RASGRF2: variants seen among roughly 807,000 people sequenced by gnomAD.
RASGRF2 encodes the protein ras-specific guanine nucleotide-releasing factor 2.
In RASGRF2, 76 loss-of-function variants were observed where a neutral mutation model predicts 151.0. The ratio of observed to expected loss-of-function variants is 0.50; its 90% CI spans 0.42 to 0.61. The LOEUF (loss-of-function observed/expected upper bound fraction) is 0.61. RASGRF2 is among the 20% of genes least tolerant of loss of function. RASGRF2 has a pLI of 0.00. For missense variants in RASGRF2, 1,148 were observed against 1,564.6 expected, an observed-to-expected ratio of 0.73 and a Z score of 4.49; for synonymous variants, 504 against 566.5, an observed-to-expected ratio of 0.89 and a Z score of 1.57.
At chr5:81,168,106 G>C (rs1311155791) in intron 17 of RASGRF2, among the ~76,000 whole-genome samples, 1 of 151,816 alleles carries the variant, frequency 6.6e-6, no homozygotes, top group Non-Finnish European at 1.5e-5. Flanking sequence ...CACTACACTT[G>C]GTCTCAGCCT....
intron 17 of RASGRF2, among the ~76,000 whole-genome samples, chr5:81,158,451 A>G (rs1280329754): frequency 6.6e-6 from 1 of 152,218 alleles, no homozygotes; most frequent in Non-Finnish European, 1.5e-5. Context: ...AAAATTTGAT[A>G]CATTAGGCTT....
rs181320226 is a variant in RASGRF2, at chr5:81,210,251, C to G, written c.3156+1813C>G. 3 of 152,454 alleles carry G rather than the reference C, an allele frequency of 2.0e-5. No homozygotes were observed. In the East Asian group the frequency reaches 5.8e-4, roughly 29 times the overall value. 9.4% of individuals were successfully genotyped at this position (152,454 alleles called of 1,614,324 possible). On this transcript the variant is annotated intron_variant, in intron 22 of 26. Transcript: ENST00000265080. Reference sequence around the variant, plus strand: ...GTTCAGCGGGCGCTCTCATCAGCAGCTGTCTCATTAGCAGCTCTTTCATCA... The same window carrying G: ...GTTCAGCGGGCGCTCTCATCAGCAGGTGTCTCATTAGCAGCTCTTTCATCA...
At chr5:81,050,271 C>T (rs1750970345) in intron 2 of RASGRF2, among the ~76,000 whole-genome samples, 1 of 152,180 alleles carries the variant, frequency 6.6e-6, no homozygotes, top group Admixed American at 6.5e-5. Context: ...TACTAGAGTG[C>T]CCTTTCTAAG....
chr5:81,031,207 T>G (rs1750232540), intron 1 of RASGRF2, among the ~76,000 whole-genome samples: 1 of 152,116 alleles, frequency 6.6e-6, no homozygotes, highest in African/African-American at 2.4e-5. Context: ...AATGGGAGAC[T>G]TTAACACCCC....
At chr5:81,031,019 A>G (rs2112361124) in intron 1 of RASGRF2, among the ~76,000 whole-genome samples, 1 of 152,328 alleles carries the variant, frequency 6.6e-6, no homozygotes, top group South Asian at 2.1e-4. Context: ...GATAAAACAG[A>G]CTTTAAATCA....
At chr5:80,993,632 C>G (rs953375166) in intron 1 of RASGRF2, among the ~76,000 whole-genome samples, 4 of 152,160 alleles carry the variant, frequency 2.6e-5, no homozygotes, top group African/African-American at 9.7e-5. Flanking sequence ...CCAATAAGGC[C>G]TAGTGCAGTG....
intron 1 of RASGRF2, among the ~76,000 whole-genome samples, chr5:80,977,873 G>A (rs1163855939): frequency 2.6e-5 from 4 of 152,142 alleles, no homozygotes; most frequent in African/African-American, 4.8e-5. Context: ...TCATTTTATG[G>A]TCCATTTTGA....
rs375450468 is a variant in RASGRF2 at position 81,092,784 on chromosome 5, A to G, written c.1391-17A>G. 10 of 1,604,936 alleles carry G rather than the reference A, an allele frequency of 6.2e-6. No homozygotes were observed. Among genetic ancestry groups the G allele is most frequent in the Non-Finnish European group, 7.7e-6 (9 of 1,175,128 alleles). ...GAATTTTAATTGCTGTGTATTCTTC[A>G]TTTTTGTAATCACCAGGTTCTCTTA... On this transcript the variant is annotated splice_polypyrimidine_tract_variant and intron_variant, in intron 9 of 26. Transcript: ENST00000265080.
At chr5:81,001,902 C>A (rs1239617608) in intron 1 of RASGRF2, among the ~76,000 whole-genome samples, 3 of 152,160 alleles carry the variant, frequency 2.0e-5, no homozygotes, top group Non-Finnish European at 1.5e-5. Flanking sequence ...TCCTCATCGA[C>A]TGGTTTGAAC....
chr5:81,217,900 G>A (rs573052391), intron 25 of RASGRF2, among the ~76,000 whole-genome samples: 20 of 151,898 alleles, frequency 1.3e-4, no homozygotes, highest in African/African-American at 4.1e-4. Context: ...CTGCCACCAC[G>A]CCTGGCTAAT....
chr5:80,995,434 A>G (rs1334821467), intron 1 of RASGRF2, among the ~76,000 whole-genome samples: 1 of 151,174 alleles, frequency 6.6e-6, no homozygotes, highest in East Asian at 1.9e-4. Flanking sequence ...GCACACATAT[A>G]TGAGATACAT....
At chr5:80,988,924 G>C (rs1013047244) in intron 1 of RASGRF2, among the ~76,000 whole-genome samples, 1 of 151,078 alleles carries the variant, frequency 6.6e-6, no homozygotes, top group African/African-American at 2.4e-5. Flanking sequence ...TTAAATTGCA[G>C]ACATTAAAAA....
At chr5:81,127,195 T>C in intron 17 of RASGRF2, 32 bp downstream of exon 17, 1 of 1,582,258 alleles carries the variant, frequency 6.3e-7, no homozygotes, top group Non-Finnish European at 8.7e-7. Flanking sequence ...TACAGATATG[T>C]GACCATTTAT....
At position 81,127,362 on chromosome 5, in the gene RASGRF2, A is replaced by T. The variant is rs566103609; in HGVS notation, c.2686+199A>T. The stretch of plus-strand genomic sequence containing the variant: ...AACATAGAGACCCCATCTCTATAAA[A>T]AATTTTTAAAATTAGCTGGGCATGG... On this transcript the variant is annotated intron_variant, in intron 17 of 26. Coordinates refer to ENST00000265080, the MANE Select transcript of RASGRF2 (RefSeq NM_006909.3). Among the ~76,000 whole-genome samples, 12 of 152,166 alleles carry T rather than the reference A, an allele frequency of 7.9e-5. No homozygotes were observed. The East Asian group carries it at 2.1e-3, about 27-fold the overall frequency.
At chr5:81,179,542 A>G (rs1035467037) in intron 17 of RASGRF2, among the ~76,000 whole-genome samples, 1 of 152,182 alleles carries the variant, frequency 6.6e-6, no homozygotes, top group Admixed American at 6.5e-5. Context: ...TATGGGGTAC[A>G]ATGTGATGCT....
chr5:81,207,121 TC>T (rs2112724165), intron 20 of RASGRF2, 124 bp from the exon 21 acceptor site: 1 of 892,320 alleles, frequency 1.1e-6, no homozygotes, highest in African/African-American at 1.7e-5. Flanking sequence ...GCCATTTTTT[TC>T]ATAGTTAGAA....
intron 1 of RASGRF2, among the ~76,000 whole-genome samples, chr5:81,025,715 T>A (rs1749995352): frequency 6.6e-6 from 1 of 152,182 alleles, no homozygotes; most frequent in Admixed American, 6.5e-5. Context: ...AATATTTGAT[T>A]GCCTTTGGCT....
chr5:81,015,158 G>A lies in RASGRF2; in HGVS notation c.289-27719G>A, dbSNP rs7702080. Among the ~76,000 whole-genome samples, 210 of 152,138 alleles carry A rather than the reference G, an allele frequency of 1.4e-3. 1 individual carries two copies. Among genetic ancestry groups the A allele is most frequent in the African/African-American group, 4.7e-3 (195 of 41,502 alleles). On this transcript the variant is annotated intron_variant, in intron 1 of 26. Coordinates refer to ENST00000265080, the MANE Select transcript of RASGRF2 (RefSeq NM_006909.3). Reference sequence around the variant, plus strand: ...GATGGTAGCCATTTTTATTTCAATCGGCACACTACACTTTCCAACTCTAGA... The same window carrying A: ...GATGGTAGCCATTTTTATTTCAATCAGCACACTACACTTTCCAACTCTAGA...
intron 1 of RASGRF2, among the ~76,000 whole-genome samples, chr5:81,008,552 C>T (rs1011316176): frequency 6.6e-6 from 1 of 152,176 alleles, no homozygotes; most frequent in African/African-American, 2.4e-5. Flanking sequence ...CCTAATTTAG[C>T]TTTTCAGCTA....
Sources: gnomAD v4.1 joint callset for allele counts (sites outside exome capture counted in the v4.1 genomes callset) on GRCh38, gnomAD v4.1.1 for gene constraint, MANE v1.5 for transcripts, NCBI Gene and HGNC (gene_info 2026-07-23, HGNC 2026-07-21) for gene names.